POLQ: variants seen among roughly 807,000 people sequenced by gnomAD.
POLQ encodes DNA polymerase theta, also known as epididymis secretory sperm binding protein.
POLQ carries 233 observed loss-of-function variants against 259.2 expected under a neutral mutation model. The observed-to-expected ratio is 0.90, with a 90% CI of 0.81 to 1.00. The LOEUF (loss-of-function observed/expected upper bound fraction) is 1.00. Among genes scored for constraint, POLQ ranks in the 50% least tolerant of loss-of-function variants. The pLI, the probability that POLQ is intolerant of heterozygous loss-of-function variation, is 0.00. For missense variants in POLQ, 2,871 were observed against 3,051.6 expected (o/e 0.94, Z 1.39); for synonymous variants, 1,025 against 1,048.8 (o/e 0.98, Z 0.44).
intron 12 of POLQ, among the ~76,000 whole-genome samples, chr3:121,500,227 C>T (rs1268521410): frequency 6.8e-6 from 1 of 146,678 alleles, no homozygotes; most frequent in East Asian, 2.0e-4. Context: ...TGCAGTGAGC[C>T]GTAATTGTGC....
chr3:121,512,779 T>C (rs1326802610), intron 9 of POLQ, among the ~76,000 whole-genome samples: 1 of 152,206 alleles, frequency 6.6e-6, no homozygotes, highest in Non-Finnish European at 1.5e-5. Flanking sequence ...ACCATTATTA[T>C]TGAATAATGA....
chr3:121,545,611 T>C, intron 1 of POLQ, 104 bp downstream of exon 1: 1 of 1,096,164 alleles, frequency 9.1e-7, no homozygotes, highest in Non-Finnish European at 1.3e-6. Flanking sequence ...AGAAGCCCAA[T>C]GGGGTATGCA....
chr3:121,453,684 A>G (rs1002815716), intron 25 of POLQ, among the ~76,000 whole-genome samples: 4 of 152,228 alleles, frequency 2.6e-5, no homozygotes, highest in Non-Finnish European at 5.9e-5. Context: ...TTAGAGAAAA[A>G]AGAGTAAAAA....
chr3:121,487,909 C>T lies in POLQ; in HGVS notation c.5022G>A (p.Glu1674=), dbSNP rs761028319. Residue 1674 remains glutamate, a synonymous_variant, in exon 16 of 30, where the codon GAG becomes GAA. Coordinates refer to ENST00000264233, the MANE Select transcript of POLQ (RefSeq NM_199420.4). The part of the protein sequence containing the change: ...NFSSLNRKNT[E]LNEEQEVISN... ...AAATAACTTCTTGTTCTTCATTTAA[C>T]TCTGTATTTTTTCTATTCAAACTGG... is the stretch of plus-strand genomic sequence containing the variant. 3 of 1,606,302 alleles carry T rather than the reference C, an allele frequency of 1.9e-6. No individual in the cohort carries two copies. The highest frequency in any genetic ancestry group is 2.7e-5 in the African/African-American group (2 of 74,508).
At chr3:121,466,283 G>GAA (rs769191331) in intron 24 of POLQ, among the ~76,000 whole-genome samples, 3 of 78,246 alleles carry the variant, frequency 3.8e-5, no homozygotes, top group Admixed American at 1.6e-4. Flanking sequence ...AAGCTGCAAG[G>GAA]AAAAAAAAAA....
At chr3:121,485,651 G>A (rs770496487) in intron 16 of POLQ, among the ~76,000 whole-genome samples, 22 of 152,192 alleles carry the variant, frequency 1.4e-4, no homozygotes, top group African/African-American at 3.1e-4. Context: ...GAATCAATCC[G>A]TCTTATTGAT....
chr3:121,493,452 C>T (rs1279162212), intron 15 of POLQ, 26 bp downstream of exon 15: 3 of 1,562,448 alleles, frequency 1.9e-6, no homozygotes, highest in Non-Finnish European at 8.7e-7. Context: ...TTTCATAAGC[C>T]CATGTAGGTA....
chr3:121,518,754 G>C (rs1030145155), intron 9 of POLQ, among the ~76,000 whole-genome samples: 2 of 90,132 alleles, frequency 2.2e-5, no homozygotes, highest in African/African-American at 3.4e-5. Context: ...CTGTTTGCCT[G>C]TTTTGTTTTT....
At chr3:121,433,926 G>A (rs926576803) in intron 28 of POLQ, among the ~76,000 whole-genome samples, 18 of 152,170 alleles carry the variant, frequency 1.2e-4, no homozygotes, top group Non-Finnish European at 2.2e-4. Flanking sequence ...TATCTGCAGT[G>A]CCAGTTTGCT....
intron 14 of POLQ, among the ~76,000 whole-genome samples, chr3:121,496,422 G>A (rs1260860344): frequency 2.0e-5 from 3 of 151,888 alleles, no homozygotes; most frequent in African/African-American, 7.3e-5. Context: ...TGATCCACCC[G>A]ACTCGGCCTC....
chr3:121,519,717 TATAA>T (rs2048324709), intron 9 of POLQ, among the ~76,000 whole-genome samples, 150 bp downstream of exon 9: 1 of 148,068 alleles, frequency 6.8e-6, no homozygotes. Flanking sequence ...TCATACTCAC[TATAA>T]ATATTAAGTG....
intron 26 of POLQ, among the ~76,000 whole-genome samples, chr3:121,444,119 G>A (rs1314881787): frequency 6.6e-6 from 1 of 150,974 alleles, no homozygotes; most frequent in African/African-American, 2.4e-5. Flanking sequence ...TTCTATTTCT[G>A]TGAAGAGTAA....
intron 20 of POLQ, among the ~76,000 whole-genome samples, chr3:121,476,106 T>C (rs1017747792): frequency 6.6e-6 from 1 of 152,152 alleles, no homozygotes; most frequent in Non-Finnish European, 1.5e-5. Context: ...AAAAAATCCC[T>C]TTTTCATTTA....
chr3:121,540,386 A>G (rs1157485463), intron 3 of POLQ, among the ~76,000 whole-genome samples: 2 of 152,194 alleles, frequency 1.3e-5, no homozygotes, highest in Admixed American at 6.6e-5. Context: ...TGGGACTAGA[A>G]CCCACATTTC....
At chr3:121,536,828 T>C (rs991088247) in intron 5 of POLQ, among the ~76,000 whole-genome samples, 1 of 152,024 alleles carries the variant, frequency 6.6e-6, no homozygotes, top group Non-Finnish European at 1.5e-5. Context: ...TTATTATTTA[T>C]AGAAATGGGG....
rs750606149 is a variant in POLQ at position 121,487,798 on chromosome 3, A to T, written c.5133T>A (p.Asn1711Lys). 4 of 1,610,222 alleles carry T rather than the reference A, an allele frequency of 2.5e-6. No homozygotes were observed. In the African/African-American group the frequency reaches 5.4e-5, roughly 22 times the overall value. Residue 1711 changes from asparagine (N) to lysine (K), a missense_variant, in exon 16 of 30, where the codon AAT (asparagine) becomes AAA (lysine). Coordinates refer to ENST00000264233, the MANE Select transcript of POLQ (RefSeq NM_199420.4). Reference sequence around the variant, plus strand: ...GGGATGAGGTTTCATCATGATTGGCATTGTTTTCTAGCATCTCAATCTTGC... The same window carrying T: ...GGGATGAGGTTTCATCATGATTGGCTTTGTTTTCTAGCATCTCAATCTTGC... ...VKSKIEMLEN[N>K]ANHDETSSLL...
chr3:121,498,553 ACC>A lies in POLQ; in HGVS notation c.2075_2076del (p.Gly692ValfsTer15), dbSNP rs759915443. 2 of 1,613,522 alleles carry A rather than the reference ACC, an allele frequency of 1.2e-6. No individual in the cohort carries two copies. The highest frequency in any genetic ancestry group is 2.2e-5 in the South Asian group (2 of 91,034). ...TTTCCTTTCACACAACGGGCCAAGA[ACC>A]CCTCTTCAACTCCCACTAGCTCTGC... ...RVAELVGVEE[G>X]FLARCVKGKV... On this transcript the variant is annotated frameshift_variant, in exon 13 of 30. Transcript: ENST00000264233. LOFTEE classifies it high-confidence loss of function.
chr3:121,494,253 G>A, intron 14 of POLQ: 1 of 1,590,352 alleles, frequency 6.3e-7, no homozygotes, highest in African/African-American at 1.3e-5. Flanking sequence ...CAGCCCAAAA[G>A]AGACCTCACC....
chr3:121,523,257 C>G (rs762610905), intron 7 of POLQ, among the ~76,000 whole-genome samples: 25 of 151,974 alleles, frequency 1.6e-4, no homozygotes, highest in Non-Finnish European at 2.2e-4. Flanking sequence ...TGGGCTTAAG[C>G]AATCCTCCCA....
Sources: allele counts gnomAD v4.1 joint callset (sites outside exome capture counted in the v4.1 genomes callset), GRCh38; gene constraint gnomAD v4.1.1; transcripts MANE v1.5; gene names NCBI Gene and HGNC (gene_info 2026-07-23, HGNC 2026-07-21).